Variants in VEGFD observed in about 807,000 individuals in gnomAD.
VEGFD encodes the protein c-fos induced growth factor (vascular endothelial growth factor D).
A neutral mutation model predicts 28.0 loss-of-function variants in VEGFD; 26 were observed. That is an observed-to-expected ratio of 0.93 (90% CI 0.68 to 1.29). VEGFD has a LOEUF of 1.29. Among genes scored for constraint, VEGFD ranks in the 50% most tolerant of loss-of-function variants. The pLI is 0.00. For synonymous variants in VEGFD, 93 were observed against 95.5 expected (o/e 0.97, Z 0.15); for missense variants, 294 against 273.4 (o/e 1.08, Z -0.53).
chrX:15,362,032 C>T (rs774490572), intron 2 of VEGFD, among the ~76,000 whole-genome samples: 2 of 110,780 alleles, frequency 1.8e-5, no homozygotes, highest in Non-Finnish European at 3.8e-5. Flanking sequence ...CCATGCCTGG[C>T]TAATTTTGTA....
chrX:15,379,120 G>A (rs1923505810), intron 1 of VEGFD, among the ~76,000 whole-genome samples: 1 of 111,385 alleles, frequency 9.0e-6, no homozygotes, highest in Non-Finnish European at 1.9e-5. Flanking sequence ...TACTGTATCC[G>A]CTCCCCCTAC....
rs189158993 is a variant in VEGFD, at chrX:15,376,511, A to G, written c.90+7346T>C. Among the ~76,000 whole-genome samples, 385 of 112,540 alleles carry G rather than the reference A, an allele frequency of 3.4e-3. 1 individual carries two copies. Among genetic ancestry groups the G allele is most frequent in the Middle Eastern group, 0.014 (3 of 216 alleles). On this transcript the variant is annotated intron_variant, in intron 1 of 6. Transcript: ENST00000297904. The stretch of plus-strand genomic sequence containing the variant: ...TACAGCCCTATTCCAGCTAAAGTAT[A>G]GCATAATCCATTGGATGGGAAAAAG...
chrX:15,370,599 A>G (rs1923282695), intron 1 of VEGFD, among the ~76,000 whole-genome samples: 2 of 111,857 alleles, frequency 1.8e-5, no homozygotes, highest in South Asian at 3.7e-4. Flanking sequence ...GAAGGAATTT[A>G]TAAGTAATAA....
intron 2 of VEGFD, among the ~76,000 whole-genome samples, chrX:15,360,503 T>C (rs1175872430): frequency 9.1e-6 from 1 of 110,055 alleles, no homozygotes; most frequent in Non-Finnish European, 1.9e-5. Context: ...CATGCCCAGC[T>C]AATTTTTGTA....
intron 1 of VEGFD, among the ~76,000 whole-genome samples, chrX:15,373,773 T>A (rs980116385): frequency 3.6e-5 from 4 of 111,571 alleles, no homozygotes; most frequent in African/African-American, 1.3e-4. Context: ...TCCCTCTACC[T>A]CTTAGCAGCT....
chrX:15,382,200 A>G (rs1923596645), intron 1 of VEGFD, among the ~76,000 whole-genome samples: 1 of 110,375 alleles, frequency 9.1e-6, no homozygotes, highest in Non-Finnish European at 1.9e-5. Flanking sequence ...CGTGCCTATA[A>G]TTCCAGCTAC....
intron 1 of VEGFD, among the ~76,000 whole-genome samples, chrX:15,370,205 G>T (rs902646704): frequency 9.0e-6 from 1 of 111,485 alleles, no homozygotes; most frequent in African/African-American, 3.3e-5. Context: ...TTATCTGCTT[G>T]TCTTCCCCAC....
rs189167775 is a variant in VEGFD, at chrX:15,346,443, T to C, written c.939-184A>G. 7.3e-3 allele frequency among the ~76,000 whole-genome samples: 815 copies of C among 112,163 alleles called. 14 individuals carry two copies. Among genetic ancestry groups the C allele is most frequent in the African/African-American group, 0.025 (777 of 30,825 alleles). The stretch of plus-strand genomic sequence containing the variant: ...GAATCAGTAACCTCCAAGTGTTCTA[T>C]TCATGAATAAATTACTTGCTATATA... On this transcript the variant is annotated intron_variant, in intron 6 of 6. Transcript: ENST00000297904.
chrX:15,383,157 A>T (rs1412485158), intron 1 of VEGFD, among the ~76,000 whole-genome samples: 3 of 112,101 alleles, frequency 2.7e-5, no homozygotes, highest in East Asian at 5.6e-4. Context: ...ATCATTTTCA[A>T]AATAGAAGCT....
In VEGFD at chrX:15,384,161, G is replaced by T; in HGVS notation, c.-215C>A. On this transcript the variant is annotated 5_prime_UTR_variant, in exon 1 of 7. Coordinates refer to ENST00000297904, the MANE Select transcript of VEGFD (RefSeq NM_004469.5). The stretch of plus-strand genomic sequence containing the variant: ...ATCTTAGGGGTGGGGAGAGAGAGAT[G>T]AAAAAAATCAAAATGTTCTCCAAAA... 3.3e-6 allele frequency: 1 copy of T among 300,506 alleles called. No individual in the cohort carries two copies. The allele number at this position is 300,506 out of a possible 1,213,427, so 24.8% of individuals were successfully genotyped here.
intron 1 of VEGFD, among the ~76,000 whole-genome samples, chrX:15,369,029 A>G (rs1923243963): frequency 8.9e-6 from 1 of 111,844 alleles, no homozygotes; most frequent in African/African-American, 3.3e-5. Flanking sequence ...AAGGGTAGTC[A>G]TTTCCCCTTT....
intron 1 of VEGFD, 74 bp from the exon 2 acceptor site, chrX:15,363,393 G>T: frequency 1.2e-6 from 1 of 861,911 alleles, no homozygotes; most frequent in Non-Finnish European, 1.6e-6. Context: ...CTTCATTTCT[G>T]ACACTTAGAA....
intron 1 of VEGFD, among the ~76,000 whole-genome samples, chrX:15,367,238 AG>A (rs1393358533): frequency 8.9e-6 from 1 of 112,312 alleles, no homozygotes; most frequent in Non-Finnish European, 1.9e-5. Flanking sequence ...CTGCCTGGGA[AG>A]CTCAGTGAGC....
At chrX:15,352,313 T>G (rs1277404544) in intron 5 of VEGFD, among the ~76,000 whole-genome samples, 1 of 100,630 alleles carries the variant, frequency 9.9e-6, no homozygotes, top group Non-Finnish European at 2.1e-5. Flanking sequence ...TGACTTTTTT[T>G]TTCTTTCTTT....
intron 6 of VEGFD, among the ~76,000 whole-genome samples, chrX:15,346,759 C>T: frequency 9.0e-6 from 1 of 110,838 alleles, no homozygotes; most frequent in East Asian, 2.8e-4. Context: ...TGGTGAAACC[C>T]CGTCTCTACT....
intron 6 of VEGFD, among the ~76,000 whole-genome samples, 183 bp downstream of exon 6, chrX:15,346,981 T>C (rs1170151769): frequency 9.0e-6 from 1 of 111,725 alleles, no homozygotes; most frequent in African/African-American, 3.3e-5. Context: ...TTTTCTTATT[T>C]TCATGATTAA....
chrX:15,358,124 A>G lies in VEGFD; in HGVS notation c.371T>C (p.Leu124Pro). The change falls in exon 3 of 7, where the codon CTG becomes CCG. Residue 124 changes from leucine to proline, a missense_variant. By Grantham distance (98) the Leu-to-Pro change is moderately conservative (BLOSUM62 -3). Transcript: ENST00000297904. ...RETCVEVASE[L>P]GKSTNTFFKP... ...GAAGAATGTGTTGGTACTCTTCCCC[A>G]GCTCACTGGCCACCTCCACGCACGT... 8.3e-7 allele frequency: 1 copy of G among 1,211,641 alleles called. No homozygotes were observed. Among genetic ancestry groups the G allele is most frequent in the Non-Finnish European group, 1.1e-6 (1 of 895,386 alleles).
intron 1 of VEGFD, among the ~76,000 whole-genome samples, chrX:15,368,915 T>C (rs1467147889): frequency 8.9e-6 from 1 of 112,267 alleles, no homozygotes; most frequent in Non-Finnish European, 1.9e-5. Context: ...CATTCTCTAA[T>C]TTCTTGGCTA....
intron 2 of VEGFD, among the ~76,000 whole-genome samples, chrX:15,361,742 A>T (rs1923016598): frequency 8.9e-6 from 1 of 112,586 alleles, no homozygotes; most frequent in African/African-American, 3.2e-5. Context: ...TTGACATGAC[A>T]TCAAAAAATT....
Sources: allele counts gnomAD v4.1 joint callset (sites outside exome capture counted in the v4.1 genomes callset), GRCh38; gene constraint gnomAD v4.1.1; transcripts MANE v1.5; gene names NCBI Gene and HGNC (gene_info 2026-07-23, HGNC 2026-07-21).